The following PLS3 variants were observed in gnomAD, a reference collection of about 807,000 sequenced individuals.
The protein encoded by PLS3 is plastin 3.
In PLS3, 11 loss-of-function variants were observed where a neutral mutation model predicts 46.5. The observed-to-expected ratio is 0.24, with a 90% CI of 0.15 to 0.39. The LOEUF (loss-of-function observed/expected upper bound fraction) is 0.39, where lower values mean the gene tolerates loss of function less well. Among genes scored for constraint, PLS3 ranks in the 10% least tolerant of loss-of-function variants. The pLI is 1.00. For missense variants in PLS3, 308 were observed against 461.8 expected, an observed-to-expected ratio of 0.67 and a Z score of 3.05; for synonymous variants, 167 against 162.2, an observed-to-expected ratio of 1.03 and a Z score of -0.22.
chrX:115,572,795 T>A (rs1206829343), intron 1 of PLS3, among the ~76,000 whole-genome samples: 1 of 111,004 alleles, frequency 9.0e-6, no homozygotes, highest in Admixed American at 9.7e-5. Context: ...TATTCATAAA[T>A]GTAGAAAATG....
At chrX:115,588,457 G>GT (rs782719265) in intron 1 of PLS3, among the ~76,000 whole-genome samples, 4 of 112,079 alleles carry the variant, frequency 3.6e-5, no homozygotes, top group Non-Finnish European at 5.6e-5. Flanking sequence ...TGCCACCCTT[G>GT]TCACTACACT....
intron 1 of PLS3, among the ~76,000 whole-genome samples, chrX:115,585,803 T>C (rs1385617414): frequency 9.0e-6 from 1 of 111,556 alleles, no homozygotes; most frequent in Non-Finnish European, 1.9e-5. Flanking sequence ...TGCTCTCCCC[T>C]TTTTTGAGAT....
In PLS3 at chrX:115,642,469, G is replaced by A. The variant is rs180781874; in HGVS notation, c.988-844G>A. ...GGTGTCTGTCTTCTCCCTCAGCCAG[G>A]GAAGCCTACTTCCACAGCTCAGCAC... On this transcript the variant is annotated intron_variant, in intron 9 of 15. Coordinates refer to ENST00000355899, the MANE Select transcript of PLS3 (RefSeq NM_005032.7). Among the ~76,000 whole-genome samples the A allele has an allele frequency of 6.3e-5, 7 of 111,357 alleles. No homozygotes were observed. The East Asian group carries it at 1.7e-3, about 27-fold the overall frequency.
chrX:115,637,895 C>G (rs1173362485), intron 8 of PLS3, among the ~76,000 whole-genome samples: 1 of 111,827 alleles, frequency 8.9e-6, no homozygotes, highest in Admixed American at 9.5e-5. Context: ...ATAAGACCAA[C>G]TGACCCTGCC....
At chrX:115,638,880 T>A (rs1222945789) in intron 8 of PLS3, among the ~76,000 whole-genome samples, 1 of 108,838 alleles carries the variant, frequency 9.2e-6, no homozygotes, top group Admixed American at 9.9e-5. Flanking sequence ...GCCTGGCTAA[T>A]TTTTTTTGTA....
chrX:115,590,709 A>T (rs1261034830), intron 1 of PLS3, among the ~76,000 whole-genome samples: 2 of 111,452 alleles, frequency 1.8e-5, no homozygotes, highest in Non-Finnish European at 3.8e-5. Context: ...AATCCCAGCT[A>T]CTCGGGAGGC....
chrX:115,595,687 CT>C (rs35860715), intron 1 of PLS3, among the ~76,000 whole-genome samples: 2,348 of 82,874 alleles, frequency 0.028, 52 homozygotes, highest in African/African-American at 0.098. Context: ...TATTTTCTTT[CT>C]TTTTTTTTTT....
At chrX:115,643,202 C>T (rs2074915873) in intron 9 of PLS3, 111 bp from the exon 10 acceptor site, 7 of 503,411 alleles carry the variant, frequency 1.4e-5, no homozygotes, top group Non-Finnish European at 1.0e-5. Context: ...TAATAAGTAC[C>T]ATATGTTAGC....
At chrX:115,597,987 G>A (rs2074405714) in intron 1 of PLS3, among the ~76,000 whole-genome samples, 1 of 111,158 alleles carries the variant, frequency 9.0e-6, no homozygotes, top group Admixed American at 9.7e-5. Flanking sequence ...ATAGATGTTT[G>A]CTCACCACAT....
chrX:115,601,893 T>C (rs1219666906), intron 1 of PLS3, among the ~76,000 whole-genome samples: 3 of 111,754 alleles, frequency 2.7e-5, no homozygotes, highest in Admixed American at 1.9e-4. Flanking sequence ...GTAAGTTAGA[T>C]TGGAGACACT....
intron 1 of PLS3, chrX:115,562,543 A>T (rs1308811990): frequency 9.0e-6 from 1 of 111,536 alleles, no homozygotes; most frequent in Non-Finnish European, 1.9e-5. Flanking sequence ...GTTAAGAGGG[A>T]TTGGGAGGAG....
intron 1 of PLS3, among the ~76,000 whole-genome samples, chrX:115,602,493 T>C (rs1556634765): frequency 9.0e-6 from 1 of 111,181 alleles, no homozygotes; most frequent in African/African-American, 3.3e-5. Context: ...GCTGTTCACT[T>C]ACCTAACTAG....
At chrX:115,644,144 C>T (rs782589709) in intron 10 of PLS3, among the ~76,000 whole-genome samples, 10 of 111,118 alleles carry the variant, frequency 9.0e-5, no homozygotes, top group South Asian at 3.8e-4. Context: ...ATTTATGTTT[C>T]ATTCATCCAC....
chrX:115,623,101 G>A (rs1005463888), intron 3 of PLS3, among the ~76,000 whole-genome samples: 68 of 111,261 alleles, frequency 6.1e-4, no homozygotes, highest in African/African-American at 2.1e-3. Context: ...GTTCTTCAAT[G>A]CCTACCACTA....
intron 2 of PLS3, among the ~76,000 whole-genome samples, chrX:115,620,682 GCTTTTTTCTTTTTTTTTTCTTTT>G: frequency 1.1e-5 from 1 of 92,178 alleles, no homozygotes; most frequent in Admixed American, 1.2e-4. Flanking sequence ...AACCCCTTAT[GCTTTTTTCTTTTTTTTTTCTTTT>G]CTTTTTTTTT....
chrX:115,611,602 G>A (rs782117602), intron 2 of PLS3, among the ~76,000 whole-genome samples: 1 of 111,535 alleles, frequency 9.0e-6, no homozygotes, highest in Non-Finnish European at 1.9e-5. Context: ...TTTATGAATA[G>A]AATTTCAGAG....
intron 1 of PLS3, among the ~76,000 whole-genome samples, chrX:115,567,416 C>T (rs1174007476): frequency 9.1e-6 from 1 of 110,050 alleles, no homozygotes; most frequent in Middle Eastern, 4.6e-3. Flanking sequence ...CATGGTGAAA[C>T]CCCGTCTCTA....
chrX:115,609,559 G>A (rs148405437), intron 1 of PLS3, among the ~76,000 whole-genome samples: 2 of 111,747 alleles, frequency 1.8e-5, no homozygotes, highest in Non-Finnish European at 3.8e-5. Flanking sequence ...CCAGCTTGAG[G>A]TCATACAAAA....
At chrX:115,567,709 C>CTTTTTTTTTT (rs782653479) in intron 1 of PLS3, among the ~76,000 whole-genome samples, 3 of 81,948 alleles carry the variant, frequency 3.7e-5, no homozygotes, top group Non-Finnish European at 6.9e-5. Context: ...TTTTCTTCTT[C>CTTTTTTTTTT]TTTTTTTTTT....
Sources: allele counts gnomAD v4.1 joint callset (sites outside exome capture counted in the v4.1 genomes callset), GRCh38; gene constraint gnomAD v4.1.1; transcripts MANE v1.5; gene names NCBI Gene and HGNC (gene_info 2026-07-23, HGNC 2026-07-21).